Variants in KLHDC1 observed in about 807,000 individuals in gnomAD.
KLHDC1 encodes the protein kelch domain-containing protein 1.
KLHDC1 carries 53 observed loss-of-function variants against 68.3 expected under a neutral mutation model. The ratio of observed to expected loss-of-function variants is 0.78; its 90% CI spans 0.62 to 0.98. The LOEUF (loss-of-function observed/expected upper bound fraction) is 0.98, where lower values mean the gene tolerates loss of function less well. Ranked by LOEUF, KLHDC1 falls within the 50% of genes least tolerant of loss-of-function variation. The probability of loss-of-function intolerance (pLI) is 0.00; values close to 1 mark genes in which losing one functional copy is unlikely to be tolerated. For missense variants in KLHDC1, 470 were observed against 492.3 expected (o/e 0.95, Z 0.43); for synonymous variants, 148 against 159.0 (o/e 0.93, Z 0.52).
chr14:49,696,978 C>T (rs970442799), intron 1 of KLHDC1, among the ~76,000 whole-genome samples: 17 of 151,728 alleles, frequency 1.1e-4, no homozygotes, highest in African/African-American at 3.1e-4. Flanking sequence ...GCTCCATCGC[C>T]GAGGCTGGAG....
chr14:49,731,572 T>A (rs1387746469), intron 8 of KLHDC1, among the ~76,000 whole-genome samples: 1 of 151,848 alleles, frequency 6.6e-6, no homozygotes, highest in East Asian at 1.9e-4. Context: ...CAGGTTCAAG[T>A]GATTCTCCTG....
chr14:49,734,562 A>T (rs1170417469), intron 9 of KLHDC1, 27 bp from the exon 10 acceptor site: 8 of 1,413,180 alleles, frequency 5.7e-6, no homozygotes, highest in Non-Finnish European at 7.8e-6. Flanking sequence ...ACCTAATCTT[A>T]ATTTCTGAAC....
intron 4 of KLHDC1, among the ~76,000 whole-genome samples, chr14:49,711,910 C>CTTT (rs992092493): frequency 2.2e-4 from 17 of 76,616 alleles, no homozygotes; most frequent in Middle Eastern, 0.016. Flanking sequence ...TTTTCTTTTT[C>CTTT]TTTTTTTTTT....
At chr14:49,730,583 A>C (rs1050235576) in intron 8 of KLHDC1, among the ~76,000 whole-genome samples, 1 of 152,202 alleles carries the variant, frequency 6.6e-6, no homozygotes, top group African/African-American at 2.4e-5. Flanking sequence ...TCAGTAAATC[A>C]GTTTTAAAAA....
At chr14:49,731,533 G>A (rs1327571885) in intron 8 of KLHDC1, among the ~76,000 whole-genome samples, 2 of 151,744 alleles carry the variant, frequency 1.3e-5, no homozygotes, top group East Asian at 1.9e-4. Context: ...GCAATGGCGC[G>A]ACCTCGGCTC....
Position 49,737,675 on chromosome 14 carries a change from G to C in KLHDC1, c.897-2423G>C, listed in dbSNP as rs182442694. ...AGCCCAGGAGTTCAAGACCAGCCTG[G>C]ATAATACAGTGAAACCCCATCTCTG... On this transcript the variant is annotated intron_variant, in intron 10 of 12. Coordinates refer to ENST00000359332, the MANE Select transcript of KLHDC1 (RefSeq NM_172193.3). Among the ~76,000 whole-genome samples, 787 of 150,700 alleles carry C rather than the reference G, an allele frequency of 5.2e-3. 7 individuals are homozygous for C. Among genetic ancestry groups the C allele is most frequent in the African/African-American group, 0.018 (756 of 41,070 alleles).
chr14:49,736,039 C>T (rs924039493), intron 10 of KLHDC1, among the ~76,000 whole-genome samples: 2 of 152,058 alleles, frequency 1.3e-5, no homozygotes, highest in African/African-American at 4.8e-5. Flanking sequence ...AGAAACTGAG[C>T]ATCGATTTTT....
intron 3 of KLHDC1, among the ~76,000 whole-genome samples, 164 bp from the exon 4 acceptor site, chr14:49,710,099 C>T (rs1041217980): frequency 5.9e-5 from 9 of 151,900 alleles, no homozygotes; most frequent in Non-Finnish European, 1.2e-4. Flanking sequence ...CATTTTTACT[C>T]CTAAAACAGT....
rs188014854 is a variant in KLHDC1 at position 49,713,737 on chromosome 14, G to A, written c.404+3356G>A. Reference sequence around the variant, plus strand: ...CCCATCTTTACTAAAAAGACAAATCGTTAACCAGGTGTGGTGGCGTACGCC... The same window carrying A: ...CCCATCTTTACTAAAAAGACAAATCATTAACCAGGTGTGGTGGCGTACGCC... On this transcript the variant is annotated intron_variant, in intron 4 of 12. Transcript: ENST00000359332. Among the ~76,000 whole-genome samples the A allele has an allele frequency of 4.8e-3, 666 of 139,512 alleles. 3 individuals carry two copies. The highest frequency in any genetic ancestry group is 7.9e-3 in the Non-Finnish European group (522 of 65,854). The allele number at this position is 139,512 out of a possible 152,430, so 91.5% of individuals were successfully genotyped here. A position where few individuals can be genotyped will look rare whatever the true frequency, so the allele number is the denominator to read the frequency against.
chr14:49,750,857 A>G (rs1889306453), intron 12 of KLHDC1, among the ~76,000 whole-genome samples: 1 of 152,162 alleles, frequency 6.6e-6, no homozygotes, highest in Admixed American at 6.6e-5. Context: ...TAGAAACCCA[A>G]GTGGTCTCTT....
At chr14:49,704,418 G>T (rs545262630) in intron 1 of KLHDC1, among the ~76,000 whole-genome samples, 1 of 89,128 alleles carries the variant, frequency 1.1e-5, no homozygotes, top group African/African-American at 4.4e-5. Flanking sequence ...TTTTGAGACA[G>T]AGTCTCGCTT....
chr14:49,714,798 T>C (rs1389544176), intron 4 of KLHDC1, among the ~76,000 whole-genome samples: 1 of 149,884 alleles, frequency 6.7e-6, no homozygotes, highest in African/African-American at 2.4e-5. Context: ...GTATGGTATA[T>C]GTTATATAAC....
intron 10 of KLHDC1, among the ~76,000 whole-genome samples, chr14:49,737,078 T>G (rs1308726693): frequency 1.3e-5 from 2 of 152,340 alleles, no homozygotes; most frequent in Admixed American, 6.5e-5. Context: ...CTGTTGGATC[T>G]CGTGAGTATC....
chr14:49,717,790 G>A (rs543851719), intron 4 of KLHDC1, among the ~76,000 whole-genome samples: 1 of 151,736 alleles, frequency 6.6e-6, no homozygotes, highest in South Asian at 2.1e-4. Context: ...GCCATTCTTG[G>A]GCTTTTCTTT....
At chr14:49,723,628 G>A (rs1888592892) in intron 4 of KLHDC1, among the ~76,000 whole-genome samples, 1 of 152,186 alleles carries the variant, frequency 6.6e-6, no homozygotes, top group Non-Finnish European at 1.5e-5. Flanking sequence ...AGCCCTGTAT[G>A]TGCTGGATTC....
rs140173047 is a variant in KLHDC1, at chr14:49,693,748, C to T, written c.96+458C>T. On this transcript the variant is annotated intron_variant, in intron 1 of 12. Transcript: ENST00000359332. ...TAAATATTTATTTTCTTTTCTTTTT[C>T]TTTTTTTTTTTTTTTTGAGATGGAG... Among the ~76,000 whole-genome samples the T allele has an allele frequency of 4.8e-3, 296 of 61,276 alleles. 2 individuals carry two copies. The highest frequency in any genetic ancestry group is 0.011 in the African/African-American group (200 of 18,288). 40.2% of individuals were successfully genotyped at this position (61,276 alleles called of 152,430 possible).
intron 10 of KLHDC1, among the ~76,000 whole-genome samples, chr14:49,739,560 G>A (rs530757096): frequency 6.6e-6 from 1 of 152,292 alleles, no homozygotes; most frequent in African/African-American, 2.4e-5. Flanking sequence ...GATTTGTTGG[G>A]TGATGGGGAA....
chr14:49,723,738 G>T, intron 4 of KLHDC1, 136 bp from the exon 5 acceptor site: 1 of 571,842 alleles, frequency 1.7e-6, no homozygotes, highest in East Asian at 3.0e-5. Flanking sequence ...AGGTCTCTTT[G>T]TTCCCTCAGC....
intron 8 of KLHDC1, among the ~76,000 whole-genome samples, chr14:49,732,447 A>G (rs1888833966): frequency 6.6e-6 from 1 of 152,202 alleles, no homozygotes; most frequent in Non-Finnish European, 1.5e-5. Flanking sequence ...TGTTGGAATT[A>G]CAGGCATGAG....
Sources: gnomAD v4.1 joint callset for allele counts (sites outside exome capture counted in the v4.1 genomes callset) on GRCh38, gnomAD v4.1.1 for gene constraint, MANE v1.5 for transcripts, NCBI Gene and HGNC (gene_info 2026-07-23, HGNC 2026-07-21) for gene names.